Variants in TAFA1 observed in about 807,000 individuals in gnomAD.
The protein encoded by TAFA1 is chemokine-like protein TAFA-1.
Under a neutral mutation model 18.5 loss-of-function variants are expected in TAFA1, and 4 were observed. The ratio of observed to expected loss-of-function variants is 0.22; its 90% CI spans 0.11 to 0.49. The LOEUF (loss-of-function observed/expected upper bound fraction) is 0.49, where lower values mean the gene tolerates loss of function less well. Among genes scored for constraint, TAFA1 ranks in the 20% least tolerant of loss-of-function variants. The pLI, the probability that TAFA1 is intolerant of heterozygous loss-of-function variation, is 0.98. For synonymous variants in TAFA1, 56 were observed against 55.2 expected (o/e 1.01, Z -0.06); for missense variants, 147 against 169.0 (o/e 0.87, Z 0.72).
At chr3:68,498,858 A>AATGGT (rs528235309) in intron 3 of TAFA1, among the ~76,000 whole-genome samples, 462 of 151,256 alleles carry the variant, frequency 3.1e-3, no homozygotes, top group South Asian at 6.1e-3. Flanking sequence ...GATTGACTAA[A>AATGGT]ATGGTCTTCA....
At chr3:68,296,077 G>T (rs1423880201) in intron 2 of TAFA1, among the ~76,000 whole-genome samples, 1 of 152,182 alleles carries the variant, frequency 6.6e-6, no homozygotes, top group African/African-American at 2.4e-5. Flanking sequence ...TATTATACAT[G>T]AGAATTAATA....
intron 3 of TAFA1, among the ~76,000 whole-genome samples, chr3:68,517,806 G>T (rs528381279): frequency 6.6e-6 from 1 of 152,144 alleles, no homozygotes; most frequent in African/African-American, 2.4e-5. Flanking sequence ...TGGTATCTTT[G>T]ATTTGTCACA....
chr3:68,394,787 C>CA (rs1408117002), intron 2 of TAFA1, among the ~76,000 whole-genome samples: 16 of 152,184 alleles, frequency 1.1e-4, no homozygotes, highest in Admixed American at 7.8e-4. Context: ...ACACTTTATA[C>CA]AAAAAATAAC....
intron 3 of TAFA1, among the ~76,000 whole-genome samples, chr3:68,429,121 T>A (rs1289022983): frequency 6.6e-6 from 1 of 151,950 alleles, no homozygotes; most frequent in African/African-American, 2.4e-5. Context: ...ATGGGAGATG[T>A]TGCCTTTCAT....
Position 68,037,249 on chromosome 3 carries a change from A to T in TAFA1, c.118+30505A>T, listed in dbSNP as rs557411264. Among the ~76,000 whole-genome samples, 93 of 152,280 alleles carry T rather than the reference A, an allele frequency of 6.1e-4. 1 individual carries two copies. The highest frequency in any genetic ancestry group is 1.1e-3 in the Non-Finnish European group (75 of 68,022). On this transcript the variant is annotated intron_variant, in intron 2 of 4. Coordinates refer to ENST00000478136, the MANE Select transcript of TAFA1 (RefSeq NM_213609.4). ...AGCACAGTGTGTCTAGAGAAACTTG[A>T]GGAGTGCAGAACTGCAGGTGGGTGA...
chr3:68,220,769 G>GTAA (rs779557739), intron 2 of TAFA1, among the ~76,000 whole-genome samples: 1 of 152,100 alleles, frequency 6.6e-6, no homozygotes, highest in South Asian at 2.1e-4. Flanking sequence ...TGTTCACTGA[G>GTAA]TAATATTCCT....
chr3:68,000,729 G>T (rs1425523488), upstream of TAFA1, among the ~76,000 whole-genome samples: 1 of 152,190 alleles, frequency 6.6e-6, no homozygotes, highest in Non-Finnish European at 1.5e-5. Flanking sequence ...AAGTATACTT[G>T]CTATAGTTCA....
At chr3:68,366,001 C>T (rs1288823141) in intron 2 of TAFA1, among the ~76,000 whole-genome samples, 2 of 148,756 alleles carry the variant, frequency 1.3e-5, no homozygotes, top group African/African-American at 5.0e-5. Flanking sequence ...AGGAGAATCA[C>T]TTGAACCCCA....
intron 2 of TAFA1, among the ~76,000 whole-genome samples, chr3:68,281,768 T>A (rs2067901572): frequency 6.6e-6 from 1 of 152,034 alleles, no homozygotes; most frequent in South Asian, 2.1e-4. Flanking sequence ...CCATGGGAAG[T>A]TTTTACATTG....
Position 68,004,313 on chromosome 3 carries a change from C to T in TAFA1, c.-393C>T, listed in dbSNP as rs1226614113. The T allele has an allele frequency of 6.6e-6, 1 of 152,188 alleles. No homozygotes were observed. The highest frequency in any genetic ancestry group is 1.5e-5 in the Non-Finnish European group (1 of 68,068). 9.4% of individuals were successfully genotyped at this position (152,188 alleles called of 1,614,324 possible). ...TACATTTTGCTGCCTTACTCTGCCC[C>T]GAATGCACTGGAGTGGGGATGGTCC... is the stretch of plus-strand genomic sequence containing the variant. On this transcript the variant is annotated 5_prime_UTR_variant, in exon 1 of 5. Coordinates refer to ENST00000478136, the MANE Select transcript of TAFA1 (RefSeq NM_213609.4).
At chr3:68,303,986 A>C (rs1425023051) in intron 2 of TAFA1, among the ~76,000 whole-genome samples, 2 of 152,338 alleles carry the variant, frequency 1.3e-5, no homozygotes, top group South Asian at 2.1e-4. Context: ...GCTTAACAAA[A>C]GTAGACATTA....
chr3:68,168,397 G>A (rs1053933415), intron 2 of TAFA1, among the ~76,000 whole-genome samples: 2 of 152,192 alleles, frequency 1.3e-5, no homozygotes, highest in Admixed American at 6.5e-5. Flanking sequence ...GTAACCACAC[G>A]TTAATTCTCC....
In TAFA1 at chr3:68,305,423, A is replaced by AC. The variant is rs2068394171; in HGVS notation, c.119-111857_119-111856insC. ...TGACTATATGACTATATATATATAT[A>AC]TATATATATATATATATATATATAT... On this transcript the variant is annotated intron_variant, in intron 2 of 4. Coordinates refer to ENST00000478136, the MANE Select transcript of TAFA1 (RefSeq NM_213609.4). Among the ~76,000 whole-genome samples, 7 of 94,296 alleles carry AC rather than the reference A, an allele frequency of 7.4e-5. No individual in the cohort carries two copies. The South Asian group carries it at 1.2e-3, about 16-fold the overall frequency. The allele number at this position is 94,296 out of a possible 152,430, so 61.9% of individuals were successfully genotyped here. A position where few individuals can be genotyped will look rare whatever the true frequency, so the allele number is the denominator to read the frequency against.
intron 2 of TAFA1, among the ~76,000 whole-genome samples, chr3:68,021,185 CAAAAAAAAAAAAA>C (rs10610707): frequency 3.6e-5 from 2 of 56,092 alleles, no homozygotes; most frequent in African/African-American, 1.3e-4. Flanking sequence ...GACCCTGTCT[CAAAAAAAAAAAAA>C]AAAAAAAAAA....
At chr3:68,464,391 G>A (rs959904913) in intron 3 of TAFA1, among the ~76,000 whole-genome samples, 1 of 152,200 alleles carries the variant, frequency 6.6e-6, no homozygotes, top group African/African-American at 2.4e-5. Flanking sequence ...AGATTGAATG[G>A]CCAGAGAAGG....
At chr3:68,467,112 A>G (rs1035691808) in intron 3 of TAFA1, among the ~76,000 whole-genome samples, 5 of 152,284 alleles carry the variant, frequency 3.3e-5, no homozygotes, top group Non-Finnish European at 7.4e-5. Context: ...ACAGGCAGCT[A>G]GACTTTTAAG....
the TAFA1 span, among the ~76,000 whole-genome samples, chr3:67,996,149 G>T: frequency 6.6e-6 from 1 of 152,130 alleles, no homozygotes; most frequent in Admixed American, 6.6e-5. Context: ...TCTAGTCTCC[G>T]TACCTCATTT....
intron 3 of TAFA1, among the ~76,000 whole-genome samples, chr3:68,460,364 C>T (rs893939744): frequency 6.6e-6 from 1 of 152,022 alleles, no homozygotes; most frequent in African/African-American, 2.4e-5. Context: ...TTGTTTTTTT[C>T]TTCAGCATCC....
intron 3 of TAFA1, among the ~76,000 whole-genome samples, chr3:68,430,028 A>C (rs1289081502): frequency 6.6e-6 from 1 of 151,972 alleles, no homozygotes; most frequent in East Asian, 1.9e-4. Flanking sequence ...TTAATCACAT[A>C]ATGCTGAACA....
Sources: gnomAD v4.1 joint callset for allele counts (sites outside exome capture counted in the v4.1 genomes callset) on GRCh38, gnomAD v4.1.1 for gene constraint, MANE v1.5 for transcripts, NCBI Gene and HGNC (gene_info 2026-07-23, HGNC 2026-07-21) for gene names.